The following ZNF804B variants were observed in gnomAD, a reference collection of about 807,000 sequenced individuals.
The protein encoded by ZNF804B is zinc finger protein 804B.
ZNF804B carries 80 observed loss-of-function variants against 101.4 expected under a neutral mutation model. The ratio of observed to expected loss-of-function variants is 0.79; its 90% CI spans 0.66 to 0.95. The LOEUF (loss-of-function observed/expected upper bound fraction) is 0.95, where lower values mean the gene tolerates loss of function less well. ZNF804B is among the 40% of genes least tolerant of loss of function. The pLI is 0.00. For synonymous variants in ZNF804B, 622 were observed against 558.8 expected, an observed-to-expected ratio of 1.11 and a Z score of -1.59; for missense variants, 1,673 against 1,561.9, an observed-to-expected ratio of 1.07 and a Z score of -1.20.
At chr7:89,332,230 C>G (rs1352641916) in intron 3 of ZNF804B, among the ~76,000 whole-genome samples, 1 of 151,562 alleles carries the variant, frequency 6.6e-6, no homozygotes, top group African/African-American at 2.4e-5. Flanking sequence ...TGTGATGACT[C>G]TAGAGTTCGA....
intron 1 of ZNF804B, among the ~76,000 whole-genome samples, chr7:88,784,713 C>A (rs768772215): frequency 6.6e-6 from 1 of 152,178 alleles, no homozygotes; most frequent in Non-Finnish European, 1.5e-5. Context: ...TCTGCCTCTG[C>A]CACTTTGCAT....
intron 1 of ZNF804B, among the ~76,000 whole-genome samples, chr7:88,888,434 A>G (rs1244649142): frequency 2.0e-5 from 3 of 152,008 alleles, no homozygotes; most frequent in Non-Finnish European, 4.4e-5. Context: ...TATTAATACA[A>G]TTAGTTATCA....
intron 1 of ZNF804B, among the ~76,000 whole-genome samples, chr7:88,935,917 CCTT>C (rs554948641): frequency 1.8e-3 from 266 of 150,372 alleles, no homozygotes; most frequent in Non-Finnish European, 3.5e-3. Context: ...CTCTTCCTTT[CCTT>C]CTTTTCTCTT....
At chr7:88,966,265 T>C (rs1431812852) in intron 1 of ZNF804B, among the ~76,000 whole-genome samples, 2 of 151,594 alleles carry the variant, frequency 1.3e-5, no homozygotes, top group Non-Finnish European at 3.0e-5. Context: ...TCTTAAGTAA[T>C]ATTAATGTAT....
chr7:88,877,294 T>A (rs1238377576), intron 1 of ZNF804B, among the ~76,000 whole-genome samples: 1 of 151,332 alleles, frequency 6.6e-6, no homozygotes, highest in Non-Finnish European at 1.5e-5. Flanking sequence ...AGTAGAACAT[T>A]TCTCACTCTC....
At position 88,857,280 on chromosome 7, in the gene ZNF804B, A is replaced by C. The variant is rs920704455; in HGVS notation, c.108+97196A>C. Among the ~76,000 whole-genome samples, 4 of 152,214 alleles carry C rather than the reference A, an allele frequency of 2.6e-5. No individual in the cohort carries two copies. The East Asian group carries it at 7.7e-4, about 29-fold the overall frequency. On this transcript the variant is annotated intron_variant, in intron 1 of 3. Transcript: ENST00000333190. ...TAAGATCAGAGCAGAACTGACAGAA[A>C]TAGAGACACAAAAAAACCCTCCAAA...
chr7:89,327,565 A>G, intron 3 of ZNF804B, 91 bp downstream of exon 3: 1 of 1,496,688 alleles, frequency 6.7e-7, no homozygotes, highest in African/African-American at 1.4e-5. Context: ...ATGTAAACAA[A>G]TAATAACTAA....
chr7:88,861,479 A>C (rs1328066442), intron 1 of ZNF804B, among the ~76,000 whole-genome samples: 1 of 152,216 alleles, frequency 6.6e-6, no homozygotes, highest in East Asian at 1.9e-4. Flanking sequence ...TCTAACTGAT[A>C]AAATAAGGCA....
At chr7:89,263,919 A>T (rs1355802191) in intron 2 of ZNF804B, among the ~76,000 whole-genome samples, 1 of 152,208 alleles carries the variant, frequency 6.6e-6, no homozygotes, top group African/African-American at 2.4e-5. Flanking sequence ...TCTTGTTTCA[A>T]TTAACCAAGT....
At chr7:89,166,138 C>A (rs1323251719) in intron 1 of ZNF804B, among the ~76,000 whole-genome samples, 1 of 152,210 alleles carries the variant, frequency 6.6e-6, no homozygotes, top group Non-Finnish European at 1.5e-5. Flanking sequence ...AGTTAGACTG[C>A]TTAGTGTGCA....
chr7:88,991,258 TC>T (rs1793840937), intron 1 of ZNF804B, among the ~76,000 whole-genome samples: 1 of 152,160 alleles, frequency 6.6e-6, no homozygotes, highest in Admixed American at 6.6e-5. Context: ...TGAAAAAGTA[TC>T]CCTGCCTCAA....
intron 1 of ZNF804B, among the ~76,000 whole-genome samples, chr7:89,035,138 A>T (rs534411593): frequency 1.3e-5 from 2 of 152,160 alleles, no homozygotes; most frequent in African/African-American, 2.4e-5. Flanking sequence ...TAAATTTTCA[A>T]TAAGTGTTCT....
chr7:88,905,351 AGTTTTTT>A (rs1317755135), intron 1 of ZNF804B, among the ~76,000 whole-genome samples: 4 of 151,582 alleles, frequency 2.6e-5, no homozygotes, highest in African/African-American at 4.8e-5. Context: ...ACAGTATGCT[AGTTTTTT>A]GTTTTTTGTT....
At chr7:89,252,895 C>T (rs746502497) in intron 2 of ZNF804B, among the ~76,000 whole-genome samples, 1 of 151,976 alleles carries the variant, frequency 6.6e-6, no homozygotes, top group African/African-American at 2.4e-5. Flanking sequence ...AGGAGGGGGA[C>T]AATTTTTCAA....
chr7:89,201,794 C>T lies in ZNF804B; in HGVS notation c.109-16361C>T, dbSNP rs932415750. 4.6e-5 allele frequency among the ~76,000 whole-genome samples: 7 copies of T among 152,024 alleles called. No individual in the cohort carries two copies. In the East Asian group the frequency reaches 1.4e-3, roughly 29 times the overall value. ...ATACTTTGGTCACCTTCTTAAGCCC[C>T]AGAATTAAAAATCTCATCAAGTGTC... On this transcript the variant is annotated intron_variant, in intron 1 of 3. Transcript: ENST00000333190.
intron 1 of ZNF804B, among the ~76,000 whole-genome samples, chr7:88,943,629 G>A (rs1186744544): frequency 6.6e-6 from 1 of 151,734 alleles, no homozygotes; most frequent in Non-Finnish European, 1.5e-5. Context: ...ATCCTTTATA[G>A]AGTACATTTC....
At chr7:88,995,884 A>G (rs1788188693) in intron 1 of ZNF804B, among the ~76,000 whole-genome samples, 1 of 152,026 alleles carries the variant, frequency 6.6e-6, no homozygotes, top group South Asian at 2.1e-4. Flanking sequence ...TAATCATGAG[A>G]AAAACATGAG....
intron 1 of ZNF804B, among the ~76,000 whole-genome samples, chr7:88,801,282 G>A (rs1790577157): frequency 6.6e-6 from 1 of 151,740 alleles, no homozygotes; most frequent in Admixed American, 6.6e-5. Context: ...CTGCTAGAAG[G>A]TGAGTGGTGG....
intron 1 of ZNF804B, among the ~76,000 whole-genome samples, chr7:89,186,293 AAAAAT>A (rs1788374732): frequency 6.6e-6 from 1 of 152,146 alleles, no homozygotes; most frequent in South Asian, 2.1e-4. Context: ...TTCTATCTAA[AAAAAT>A]AAAATAAAAT....
Sources: gnomAD v4.1 joint callset for allele counts (sites outside exome capture counted in the v4.1 genomes callset) on GRCh38, gnomAD v4.1.1 for gene constraint, MANE v1.5 for transcripts, NCBI Gene and HGNC (gene_info 2026-07-23, HGNC 2026-07-21) for gene names.